The following TRAF3 variants were observed in gnomAD, a reference collection of about 807,000 sequenced individuals.
TRAF3 encodes the protein TNF receptor associated factor 3.
A neutral mutation model predicts 62.3 loss-of-function variants in TRAF3; 13 were observed. The ratio of observed to expected loss-of-function variants is 0.21; its 90% CI spans 0.14 to 0.33. The LOEUF (loss-of-function observed/expected upper bound fraction) is 0.33, where lower values mean the gene tolerates loss of function less well. Ranked by LOEUF, TRAF3 falls within the 10% of genes least tolerant of loss-of-function variation. The pLI, the probability that TRAF3 is intolerant of heterozygous loss-of-function variation, is 1.00. For synonymous variants in TRAF3, 269 were observed against 283.4 expected, an observed-to-expected ratio of 0.95 and a Z score of 0.51; for missense variants, 440 against 741.8, an observed-to-expected ratio of 0.59 and a Z score of 4.73.
chr14:102,856,833 T>C (rs1409735401), intron 2 of TRAF3, among the ~76,000 whole-genome samples: 1 of 152,172 alleles, frequency 6.6e-6, no homozygotes, highest in Non-Finnish European at 1.5e-5. Flanking sequence ...CCTGCCTAAC[T>C]ATGAGGGTCT....
intron 1 of TRAF3, among the ~76,000 whole-genome samples, chr14:102,807,299 G>T (rs1898830785): frequency 6.6e-6 from 1 of 152,108 alleles, no homozygotes; most frequent in Non-Finnish European, 1.5e-5. Flanking sequence ...GGCCATCATT[G>T]TTCCCCCTGG....
At chr14:102,871,878 G>A (rs1566787116) in intron 3 of TRAF3, 39 bp from the exon 4 acceptor site, 4 of 1,602,732 alleles carry the variant, frequency 2.5e-6, no homozygotes, top group Non-Finnish European at 3.4e-6. Flanking sequence ...TCAAGAAAGG[G>A]ACTTCCACTC....
At chr14:102,875,511 T>C (rs1595383923) in intron 4 of TRAF3, 113 bp from the exon 5 acceptor site, 1 of 863,166 alleles carries the variant, frequency 1.2e-6, no homozygotes, top group Non-Finnish European at 1.8e-6. Flanking sequence ...TGAAGTTCAC[T>C]TAAGAGTTCC....
At chr14:102,788,399 C>T (rs777066536) in intron 1 of TRAF3, among the ~76,000 whole-genome samples, 13 of 152,158 alleles carry the variant, frequency 8.5e-5, no homozygotes, top group Admixed American at 3.9e-4. Context: ...TGGTAGCCCG[C>T]ACCTGTAATT....
intron 2 of TRAF3, among the ~76,000 whole-genome samples, chr14:102,842,565 A>G (rs1886440349): frequency 1.3e-5 from 2 of 152,266 alleles, no homozygotes; most frequent in South Asian, 2.1e-4. Context: ...TGGAAAAAAT[A>G]TTTGGAGAAA....
intron 1 of TRAF3, among the ~76,000 whole-genome samples, chr14:102,822,912 A>G (rs1308111051): frequency 1.3e-5 from 2 of 152,012 alleles, no homozygotes; most frequent in South Asian, 2.1e-4. Flanking sequence ...AGGCTGAGGC[A>G]GGAGAGTTGC....
At chr14:102,825,652 A>G (rs1900266211) in intron 1 of TRAF3, among the ~76,000 whole-genome samples, 1 of 152,230 alleles carries the variant, frequency 6.6e-6, no homozygotes, top group Non-Finnish European at 1.5e-5. Context: ...GGACGGACAG[A>G]TCAATGGGGG....
chr14:102,870,435 G>A lies in TRAF3; in HGVS notation c.234G>A (p.Ala78=), dbSNP rs916514561. 1.2e-6 allele frequency: 2 copies of A among 1,613,646 alleles called. No homozygotes were observed. Among genetic ancestry groups the A allele is most frequent in the Non-Finnish European group, 1.7e-6 (2 of 1,179,936 alleles). Residue 78 remains alanine, a synonymous_variant, in exon 3 of 12, where the codon GCG becomes GCA. Coordinates refer to ENST00000392745, the MANE Select transcript of TRAF3 (RefSeq NM_145725.3). The part of the protein sequence containing the change: ...CGHRFCESCM[A]ALLSSSSPKC... ...ACCGCTTCTGCGAGAGCTGCATGGC[G>A]GCCCTGCTGAGGTAGGCGCCCTCGC... is the stretch of plus-strand genomic sequence containing the variant.
intron 1 of TRAF3, among the ~76,000 whole-genome samples, chr14:102,814,798 C>G (rs1333380051): frequency 6.6e-6 from 1 of 152,214 alleles, no homozygotes; most frequent in Admixed American, 6.5e-5. Context: ...GCTGGGATTA[C>G]AGGCATACAC....
chr14:102,898,949 T>C (rs1209574593), intron 10 of TRAF3, among the ~76,000 whole-genome samples: 1 of 152,200 alleles, frequency 6.6e-6, no homozygotes, highest in African/African-American at 2.4e-5. Context: ...TCCCTTGACC[T>C]GTGACGAGTA....
At chr14:102,835,316 G>C (rs1377353744) in intron 2 of TRAF3, among the ~76,000 whole-genome samples, 1 of 148,648 alleles carries the variant, frequency 6.7e-6, no homozygotes, top group African/African-American at 2.5e-5. Flanking sequence ...GTGTAAACTA[G>C]TTCAACCATT....
chr14:102,839,210 CTTTTTTTTTTTTTTT>C (rs56998347), intron 2 of TRAF3, among the ~76,000 whole-genome samples: 6 of 89,836 alleles, frequency 6.7e-5, no homozygotes, highest in African/African-American at 1.3e-4. Context: ...GTTGATTTGC[CTTTTTTTTTTTTTTT>C]TTTTTTTTTT....
At chr14:102,871,287 A>T (rs1169743122) in intron 3 of TRAF3, among the ~76,000 whole-genome samples, 1 of 152,204 alleles carries the variant, frequency 6.6e-6, no homozygotes, top group Non-Finnish European at 1.5e-5. Context: ...CATCCCAAAT[A>T]GTCAGCTAAC....
At chr14:102,795,324 C>T (rs1303709219) in intron 1 of TRAF3, among the ~76,000 whole-genome samples, 1 of 152,094 alleles carries the variant, frequency 6.6e-6, no homozygotes, top group Non-Finnish European at 1.5e-5. Context: ...CCAGTGGTGC[C>T]CCAGTGTTTT....
chr14:102,854,219 T>C lies in TRAF3; in HGVS notation c.-17-15966T>C, dbSNP rs145818074. ...ATTTGAGCTGTTTCTACTTTTTTTTTCGCTATTGTGAATAGTGCTGCTGTG... is the reference window on the plus strand; with the variant it reads ...ATTTGAGCTGTTTCTACTTTTTTTTCCGCTATTGTGAATAGTGCTGCTGTG... On this transcript the variant is annotated intron_variant, in intron 2 of 11. Transcript: ENST00000392745. Among the ~76,000 whole-genome samples the C allele has an allele frequency of 5.7e-3, 869 of 152,322 alleles. 9 individuals carry two copies. The highest frequency in any genetic ancestry group is 9.8e-3 in the Admixed American group (150 of 15,292).
At chr14:102,836,386 T>G (rs1886007019) in intron 2 of TRAF3, among the ~76,000 whole-genome samples, 1 of 152,262 alleles carries the variant, frequency 6.6e-6, no homozygotes, top group Non-Finnish European at 1.5e-5. Flanking sequence ...ATAGAATATT[T>G]TATGTTCAAG....
At position 102,906,134 on chromosome 14, in the gene TRAF3, AACAC is replaced by A. The variant is rs142806500; in HGVS notation, c.*365_*368del. 1.0e-3 allele frequency: 220 copies of A among 214,276 alleles called. 7 individuals carry two copies. In the South Asian group the frequency reaches 0.018, roughly 18 times the overall value. The allele number at this position is 214,276 out of a possible 1,614,324, so 13.3% of individuals were successfully genotyped here. A position where few individuals can be genotyped will look rare whatever the true frequency, so the allele number is the denominator to read the frequency against. The stretch of plus-strand genomic sequence containing the variant: ...CTTCCTTAAACTTGAACACCAAAAA[AACAC>A]ACACACACACACACGTGGGGATAGC... On this transcript the variant is annotated 3_prime_UTR_variant, in exon 12 of 12. Transcript: ENST00000392745.
At chr14:102,862,719 T>C (rs1887752370) in intron 2 of TRAF3, among the ~76,000 whole-genome samples, 1 of 152,174 alleles carries the variant, frequency 6.6e-6, no homozygotes, top group South Asian at 2.1e-4. Context: ...TCTCTCTGTC[T>C]TTCTAAGACC....
intron 6 of TRAF3, 23 bp from the exon 7 acceptor site, chr14:102,886,166 G>T: frequency 1.2e-6 from 2 of 1,611,710 alleles, no homozygotes; most frequent in South Asian, 2.2e-5. Context: ...GTTTAAAGTT[G>T]ATAGTACTTT....
Sources: allele counts gnomAD v4.1 joint callset (sites outside exome capture counted in the v4.1 genomes callset), GRCh38; gene constraint gnomAD v4.1.1; transcripts MANE v1.5; gene names NCBI Gene and HGNC (gene_info 2026-07-23, HGNC 2026-07-21).